Variants in DENND1A observed in about 807,000 individuals in gnomAD.
The protein encoded by DENND1A is DENN domain containing 1A.
In DENND1A, 51 loss-of-function variants were observed where a neutral mutation model predicts 113.7. That is an observed-to-expected ratio of 0.45 (90% confidence interval 0.36 to 0.57). The LOEUF is 0.57. Ranked by LOEUF, DENND1A falls within the 20% of genes least tolerant of loss-of-function variation. The pLI is 0.00. For synonymous variants in DENND1A, 565 were observed against 570.8 expected (o/e 0.99, Z 0.14); for missense variants, 1,258 against 1,395.9 (o/e 0.90, Z 1.57).
At chr9:123,862,612 G>T (rs755015783) in intron 2 of DENND1A, among the ~76,000 whole-genome samples, 2 of 152,022 alleles carry the variant, frequency 1.3e-5, no homozygotes, top group Non-Finnish European at 2.9e-5. Flanking sequence ...TCACTTTAAG[G>T]TTTCTTATAG....
At chr9:123,877,299 C>A (rs200575368) in intron 2 of DENND1A, among the ~76,000 whole-genome samples, 2 of 151,680 alleles carry the variant, frequency 1.3e-5, no homozygotes, top group East Asian at 3.9e-4. Flanking sequence ...GACAGCCTGG[C>A]CAACATAGTG....
chr9:123,736,862 T>C (rs924306581), intron 5 of DENND1A, among the ~76,000 whole-genome samples: 2 of 152,252 alleles, frequency 1.3e-5, no homozygotes, highest in East Asian at 1.9e-4. Context: ...ACTGGGCCTA[T>C]TGGCAGTACA....
chr9:123,667,348 CT>C (rs1475798291), intron 7 of DENND1A, among the ~76,000 whole-genome samples: 4 of 152,152 alleles, frequency 2.6e-5, no homozygotes, highest in African/African-American at 9.7e-5. Context: ...GGAGTGTTGG[CT>C]CACACCTGTA....
At position 123,511,430 on chromosome 9, in the gene DENND1A, G is replaced by A. The variant is rs149534275; in HGVS notation, c.993+46140C>T. Among the ~76,000 whole-genome samples, 104 of 152,328 alleles carry A rather than the reference G, an allele frequency of 6.8e-4. 1 individual carries two copies. Among genetic ancestry groups the A allele is most frequent in the Middle Eastern group, 3.4e-3 (1 of 294 alleles). Reference sequence around the variant, plus strand: ...TGCACAGTGCAGTTGCCTGTTGCACGGGACTAGACTGTGCTGGGAACAAGA... The same window carrying A: ...TGCACAGTGCAGTTGCCTGTTGCACAGGACTAGACTGTGCTGGGAACAAGA... On this transcript the variant is annotated intron_variant, in intron 13 of 23. Transcript: ENST00000394215.
intron 12 of DENND1A, among the ~76,000 whole-genome samples, chr9:123,567,953 G>A (rs2058144592): frequency 6.6e-6 from 1 of 152,166 alleles, no homozygotes; most frequent in Non-Finnish European, 1.5e-5. Flanking sequence ...GGTTGTATTT[G>A]CACTGAGCTT....
In DENND1A at chr9:123,919,470, T is replaced by TA. The variant is rs994361768; in HGVS notation, c.17+10418dup. ...TTGGGTGACAAAGTACAACTTCAAC[T>TA]AAAAAAAAAAAATTAAAAATTAAAT... On this transcript the variant is annotated intron_variant, in intron 1 of 23. Transcript: ENST00000394215. 2.6e-3 allele frequency among the ~76,000 whole-genome samples: 376 copies of TA among 144,520 alleles called. 2 individuals are homozygous for TA. The highest frequency in any genetic ancestry group is 0.021 in the Middle Eastern group (6 of 284). 94.8% of individuals were successfully genotyped at this position (144,520 alleles called of 152,430 possible). A position where few individuals can be genotyped will look rare whatever the true frequency, so the allele number is the denominator to read the frequency against.
At chr9:123,550,565 G>C (rs952667153) in intron 13 of DENND1A, among the ~76,000 whole-genome samples, 3 of 152,202 alleles carry the variant, frequency 2.0e-5, no homozygotes, top group Admixed American at 1.3e-4. Context: ...TGCAGCATGG[G>C]TTATGAAATA....
At chr9:123,853,979 C>T (rs933077385) in intron 2 of DENND1A, among the ~76,000 whole-genome samples, 1 of 152,068 alleles carries the variant, frequency 6.6e-6, no homozygotes, top group Non-Finnish European at 1.5e-5. Flanking sequence ...TGTATCATCA[C>T]CTTTAGAATA....
At chr9:123,593,682 G>A (rs1226864332) in intron 11 of DENND1A, among the ~76,000 whole-genome samples, 1 of 151,964 alleles carries the variant, frequency 6.6e-6, no homozygotes, top group African/African-American at 2.4e-5. Context: ...GAGAGAATAT[G>A]GCTAAAATTA....
At position 123,587,311 on chromosome 9, in the gene DENND1A, C is replaced by T. The variant is rs565153619; in HGVS notation, c.766-4041G>A. On this transcript the variant is annotated intron_variant, in intron 11 of 23. Coordinates refer to ENST00000394215, the MANE Select transcript of DENND1A (RefSeq NM_001352964.2). ...ATAAGAATTTACAATATAGTGTGTGCGTCAGTAATTTCTAACAGAGCCTTA... is the reference window on the plus strand; with the variant it reads ...ATAAGAATTTACAATATAGTGTGTGTGTCAGTAATTTCTAACAGAGCCTTA... 1.1e-4 allele frequency among the ~76,000 whole-genome samples: 16 copies of T among 152,152 alleles called. No homozygotes were observed. The South Asian group carries it at 2.9e-3, about 28-fold the overall frequency.
rs780894619 is a variant in DENND1A at position 123,609,495 on chromosome 9, CAG to C, written c.720-16_720-15del. 3 of 1,611,678 alleles carry C rather than the reference CAG, an allele frequency of 1.9e-6. No individual in the cohort carries two copies. Among genetic ancestry groups the C allele is most frequent in the Admixed American group, 3.3e-5 (2 of 59,722 alleles). On this transcript the variant is annotated splice_polypyrimidine_tract_variant and intron_variant, in intron 10 of 23. Transcript: ENST00000394215. ...GGCATGGGAGCACTGTGAAGAGAAA[CAG>C]AGACACACAGCTGCTTTAATGTCTG... is the stretch of plus-strand genomic sequence containing the variant.
At chr9:123,527,734 C>T (rs556958374) in intron 13 of DENND1A, among the ~76,000 whole-genome samples, 1 of 152,122 alleles carries the variant, frequency 6.6e-6, no homozygotes, top group African/African-American at 2.4e-5. Flanking sequence ...AACCCAGTGC[C>T]CAATGTGGTT....
chr9:123,609,594 T>C, intron 10 of DENND1A, 113 bp from the exon 11 acceptor site: 1 of 1,177,946 alleles, frequency 8.5e-7, no homozygotes, highest in South Asian at 1.6e-5. Context: ...TATGCATAGT[T>C]ACATTTCCTT....
In DENND1A at chr9:123,546,041, T is replaced by C. The variant is rs114938481; in HGVS notation, c.993+11529A>G. 6.0e-3 allele frequency among the ~76,000 whole-genome samples: 907 copies of C among 152,278 alleles called. 16 individuals carry two copies. The highest frequency in any genetic ancestry group is 0.02 in the African/African-American group (812 of 41,514). On this transcript the variant is annotated intron_variant, in intron 13 of 23. Coordinates refer to ENST00000394215, the MANE Select transcript of DENND1A (RefSeq NM_001352964.2). ...GTGGCTTCAGCTTAATCCATGACTA[T>C]AGTCCTCTCTTGTGTATTTCTAACT... is the stretch of plus-strand genomic sequence containing the variant.
At chr9:123,914,979 A>G (rs1264986147) in intron 1 of DENND1A, among the ~76,000 whole-genome samples, 1 of 152,098 alleles carries the variant, frequency 6.6e-6, no homozygotes, top group Non-Finnish European at 1.5e-5. Context: ...TTATAACATC[A>G]TCAGTTGCCA....
chr9:123,386,762 A>G (rs2042585278), intron 22 of DENND1A, among the ~76,000 whole-genome samples: 1 of 152,198 alleles, frequency 6.6e-6, no homozygotes, highest in Admixed American at 6.5e-5. Context: ...GCAGGAAAGG[A>G]TCAGGACCCT....
At chr9:123,524,415 C>T (rs909330363) in intron 13 of DENND1A, among the ~76,000 whole-genome samples, 1 of 152,160 alleles carries the variant, frequency 6.6e-6, no homozygotes, top group Non-Finnish European at 1.5e-5. Flanking sequence ...AGGCTGCAAA[C>T]GCAAAAGCCT....
rs143709667 is a variant in DENND1A at position 123,924,727 on chromosome 9, C to T, written c.17+5162G>A. On this transcript the variant is annotated intron_variant, in intron 1 of 23. Coordinates refer to ENST00000394215, the MANE Select transcript of DENND1A (RefSeq NM_001352964.2). ...ATAAGATTCACATACTATAAAATTT[C>T]GTATCTTAAACAGTTTTCAGATTAC... Among the ~76,000 whole-genome samples the T allele has an allele frequency of 5.1e-3, 775 of 151,992 alleles. 5 individuals are homozygous for T. Among genetic ancestry groups the T allele is most frequent in the South Asian group, 8.5e-3 (41 of 4,814 alleles).
intron 1 of DENND1A, among the ~76,000 whole-genome samples, chr9:123,894,512 C>CA (rs1188320376): frequency 6.6e-6 from 1 of 152,104 alleles, no homozygotes; most frequent in East Asian, 1.9e-4. Flanking sequence ...ATTGATAAAA[C>CA]AAAATGCTGT....
Sources: gnomAD v4.1 joint callset for allele counts (sites outside exome capture counted in the v4.1 genomes callset) on GRCh38, gnomAD v4.1.1 for gene constraint, MANE v1.5 for transcripts, NCBI Gene and HGNC (gene_info 2026-07-23, HGNC 2026-07-21) for gene names.